The following PGBD2 variants were observed in gnomAD, a reference collection of about 807,000 sequenced individuals.
PGBD2 encodes piggyBac transposable element derived 2, also known as piggyBac transposable element-derived protein 2.
A neutral mutation model predicts 8.1 loss-of-function variants in PGBD2; 6 were observed. That is an observed-to-expected ratio of 0.74 (90% CI 0.40 to 1.46). PGBD2 has a LOEUF of 1.46. Ranked by LOEUF, PGBD2 falls within the 40% of genes most tolerant of loss-of-function variation. The pLI, the probability that PGBD2 is intolerant of heterozygous loss-of-function variation, is 0.02. For missense variants in PGBD2, 802 were observed against 739.0 expected (o/e 1.09, Z -0.99); for synonymous variants, 318 against 272.2 (o/e 1.17, Z -1.66).
the PGBD2 span, among the ~76,000 whole-genome samples, chr1:248,883,427 C>A: frequency 1.3e-5 from 2 of 151,542 alleles, no homozygotes; most frequent in African/African-American, 4.9e-5. Flanking sequence ...CGGTCCTTTG[C>A]CCATTTTTAA....
chr1:248,911,706 C>T (rs1320145101), intron 1 of PGBD2, among the ~76,000 whole-genome samples: 7 of 150,142 alleles, frequency 4.7e-5, no homozygotes, highest in South Asian at 4.1e-4. Flanking sequence ...TGGGCAGAGG[C>T]GCCCCTCACC....
rs779989762 is a variant in PGBD2 at position 248,917,315 on chromosome 1, A to G, written c.731A>G (p.Lys244Arg). ...CTTGATGCAAGTGATAGGTTTGCCA[A>G]GGTCAGACCTCTCATCATCCGGATG... ...NELDASDRFA[K>R]VRPLIIRMNC... The change falls in exon 3 of 3, where the codon AAG becomes AGG. Residue 244 changes from lysine to arginine, a missense_variant. Transcript: ENST00000329291. 6.2e-7 allele frequency: 1 copy of G among 1,614,236 alleles called. No individual in the cohort carries two copies. Among genetic ancestry groups the G allele is most frequent in the Non-Finnish European group, 8.5e-7 (1 of 1,180,050 alleles).
the PGBD2 span, among the ~76,000 whole-genome samples, chr1:248,877,198 T>C: frequency 1.2e-4 from 19 of 152,250 alleles, no homozygotes; most frequent in African/African-American, 4.6e-4. Context: ...GCTGTGATGA[T>C]TAGGAATTGG....
At chr1:248,904,439 A>G (rs1661584768), upstream of PGBD2, among the ~76,000 whole-genome samples, 1 of 152,142 alleles carries the variant, frequency 6.6e-6, no homozygotes, top group African/African-American at 2.4e-5. Context: ...ATAAACACTT[A>G]CACTTGGTCC....
downstream of PGBD2, among the ~76,000 whole-genome samples, chr1:248,924,424 G>T (rs1193485355): frequency 2.6e-5 from 4 of 152,112 alleles, no homozygotes; most frequent in African/African-American, 4.8e-5. Flanking sequence ...TACAGTAGAA[G>T]ATATTTTGCC....
chr1:248,929,536 C>T, the PGBD2 span, among the ~76,000 whole-genome samples: 1 of 152,140 alleles, frequency 6.6e-6, no homozygotes, highest in Non-Finnish European at 1.5e-5. Flanking sequence ...GCAATTAAAC[C>T]CTCCGAGTCA....
At chr1:248,913,255 T>C (rs1307242686) in intron 1 of PGBD2, among the ~76,000 whole-genome samples, 2 of 152,146 alleles carry the variant, frequency 1.3e-5, no homozygotes, top group African/African-American at 4.8e-5. Context: ...CTTCCAGTTC[T>C]GGTTTTATAC....
chr1:248,922,344 C>T (rs1186061450), downstream of PGBD2, among the ~76,000 whole-genome samples: 2 of 152,134 alleles, frequency 1.3e-5, no homozygotes, highest in African/African-American at 4.8e-5. Context: ...CAGACGTGAG[C>T]CACCGTGCCC....
chr1:248,894,807 T>C, the PGBD2 span, among the ~76,000 whole-genome samples: 9 of 151,422 alleles, frequency 5.9e-5, no homozygotes, highest in African/African-American at 1.7e-4. Context: ...TTCTTTCTTC[T>C]TTCTTAGATG....
the PGBD2 span, among the ~76,000 whole-genome samples, chr1:248,878,452 C>A: frequency 6.6e-6 from 1 of 152,200 alleles, no homozygotes; most frequent in Non-Finnish European, 1.5e-5. Context: ...GCTGGGATAA[C>A]AGGCGTGAGC....
the PGBD2 span, among the ~76,000 whole-genome samples, chr1:248,876,514 G>T: frequency 6.6e-6 from 1 of 152,154 alleles, no homozygotes; most frequent in African/African-American, 2.4e-5. Context: ...GGGTCCCAGT[G>T]TTTAACCTTG....
chr1:248,896,718 A>G, the PGBD2 span, among the ~76,000 whole-genome samples: 1 of 152,224 alleles, frequency 6.6e-6, no homozygotes, highest in Non-Finnish European at 1.5e-5. Flanking sequence ...GAAAATGGTA[A>G]GTGCATTCTA....
At chr1:248,876,189 G>T in the PGBD2 span, among the ~76,000 whole-genome samples, 1 of 151,992 alleles carries the variant, frequency 6.6e-6, no homozygotes, top group African/African-American at 2.4e-5. Flanking sequence ...TGTATTTTTA[G>T]TAGAGACAGG....
chr1:248,890,452 C>A, the PGBD2 span, among the ~76,000 whole-genome samples: 1 of 152,158 alleles, frequency 6.6e-6, no homozygotes, highest in African/African-American at 2.4e-5. Context: ...CACAAAGTTC[C>A]TATGAGCCAG....
chr1:248,920,378 T>C (rs1572284195), downstream of PGBD2, among the ~76,000 whole-genome samples: 1 of 152,058 alleles, frequency 6.6e-6, no homozygotes, highest in Admixed American at 6.5e-5. Flanking sequence ...CTCCCACTTA[T>C]GAGTGAGAAC....
At chr1:248,894,577 A>G in the PGBD2 span, among the ~76,000 whole-genome samples, 1 of 152,154 alleles carries the variant, frequency 6.6e-6, no homozygotes, top group Non-Finnish European at 1.5e-5. Context: ...CAATGTATGC[A>G]TGGGTACCTT....
downstream of PGBD2, among the ~76,000 whole-genome samples, chr1:248,922,704 A>G (rs1558292843): frequency 1.3e-5 from 2 of 152,174 alleles, no homozygotes; most frequent in Admixed American, 6.5e-5. Flanking sequence ...TTCTGCATCT[A>G]TAGAGATAAT....
At chr1:248,922,983 G>C (rs973062681), downstream of PGBD2, among the ~76,000 whole-genome samples, 2 of 152,122 alleles carry the variant, frequency 1.3e-5, no homozygotes. Context: ...AAATGAGTTA[G>C]GGAGGATTCC....
At chr1:248,887,178 G>T in the PGBD2 span, among the ~76,000 whole-genome samples, 9 of 152,100 alleles carry the variant, frequency 5.9e-5, no homozygotes, top group Non-Finnish European at 1.2e-4. Context: ...TCATAGTATT[G>T]TTTCCAAAAC....
Sources: gnomAD v4.1 joint callset for allele counts (sites outside exome capture counted in the v4.1 genomes callset) on GRCh38, gnomAD v4.1.1 for gene constraint, MANE v1.5 for transcripts, NCBI Gene and HGNC (gene_info 2026-07-23, HGNC 2026-07-21) for gene names.